Variants in PCSK2 observed in about 807,000 individuals in gnomAD.
PCSK2 encodes neuroendocrine convertase 2.
Under a neutral mutation model 69.7 loss-of-function variants are expected in PCSK2, and 14 were observed. The observed-to-expected ratio is 0.20, with a 90% CI of 0.13 to 0.31. The LOEUF is 0.31. Ranked by LOEUF, PCSK2 falls within the 10% of genes least tolerant of loss-of-function variation. The pLI is 1.00. For missense variants in PCSK2, 544 were observed against 842.5 expected (o/e 0.65, Z 4.39); for synonymous variants, 307 against 320.7 (o/e 0.96, Z 0.46).
At chr20:17,363,563 G>A (rs189003194) in intron 4 of PCSK2, among the ~76,000 whole-genome samples, 8 of 152,220 alleles carry the variant, frequency 5.3e-5, no homozygotes, top group Admixed American at 3.3e-4. Flanking sequence ...CAAGATACAG[G>A]GATGGACAAG....
In PCSK2 at chr20:17,481,938, G is replaced by A. The variant is rs773629981; in HGVS notation, c.1785G>A (p.Gln595=). 2 of 1,613,658 alleles carry A rather than the reference G, an allele frequency of 1.2e-6. No homozygotes were observed. The highest frequency in any genetic ancestry group is 1.7e-6 in the Non-Finnish European group (2 of 1,179,982). Residue 595 remains glutamine (Q), a synonymous_variant, in exon 12 of 12, where the codon CAG becomes CAA. Coordinates refer to ENST00000262545, the MANE Select transcript of PCSK2 (RefSeq NM_002594.5). ...GGACCCTGATGCTGCATGGCACTCA[G>A]AGTGCCCCGTACATCGACCAGGTGG... The part of the protein sequence containing the change: ...KEWTLMLHGT[Q]SAPYIDQVVR...
At chr20:17,363,181 C>A (rs73255644) in intron 4 of PCSK2, among the ~76,000 whole-genome samples, 1 of 152,232 alleles carries the variant, frequency 6.6e-6, no homozygotes, top group Non-Finnish European at 1.5e-5. Context: ...CAATCATCTG[C>A]GTGCAGAAGT....
At chr20:17,245,375 C>T (rs532084931) in intron 1 of PCSK2, among the ~76,000 whole-genome samples, 55 of 152,332 alleles carry the variant, frequency 3.6e-4, no homozygotes, top group African/African-American at 1.2e-3. Context: ...ACGACCTTGC[C>T]AAATGCAGCA....
intron 6 of PCSK2, among the ~76,000 whole-genome samples, chr20:17,411,763 A>G (rs937955734): frequency 4.6e-5 from 7 of 152,252 alleles, no homozygotes; most frequent in African/African-American, 1.7e-4. Context: ...ACCTCCCAGT[A>G]GGGGCCAACA....
intron 2 of PCSK2, among the ~76,000 whole-genome samples, chr20:17,353,705 C>A (rs1249575268): frequency 6.6e-6 from 1 of 152,128 alleles, no homozygotes; most frequent in Non-Finnish European, 1.5e-5. Context: ...CTGTTCAGTG[C>A]TACACTATTC....
intron 2 of PCSK2, among the ~76,000 whole-genome samples, chr20:17,320,341 G>T (rs534247029): frequency 6.6e-6 from 1 of 152,122 alleles, no homozygotes; most frequent in South Asian, 2.1e-4. Flanking sequence ...TCCCTTGGTC[G>T]CAAGACACAT....
chr20:17,285,963 A>G (rs896461817), intron 2 of PCSK2, among the ~76,000 whole-genome samples: 3 of 152,232 alleles, frequency 2.0e-5, no homozygotes, highest in African/African-American at 7.2e-5. Flanking sequence ...CCCTAACTAC[A>G]GAGTTACCTT....
At chr20:17,478,321 T>A (rs149735358) in intron 11 of PCSK2, among the ~76,000 whole-genome samples, 121 of 152,330 alleles carry the variant, frequency 7.9e-4, no homozygotes, top group Non-Finnish European at 1.0e-3. Flanking sequence ...ATAACTATAG[T>A]GCTCAGCAGA....
intron 2 of PCSK2, among the ~76,000 whole-genome samples, chr20:17,303,526 ATATT>A (rs1568593849): frequency 0.026 from 1,094 of 42,640 alleles, 31 homozygotes; most frequent in African/African-American, 0.077. Flanking sequence ...AATATAATAT[ATATT>A]ATATTATATA....
intron 2 of PCSK2, among the ~76,000 whole-genome samples, chr20:17,298,928 C>G (rs1988986911): frequency 1.3e-5 from 2 of 152,050 alleles, no homozygotes; most frequent in Non-Finnish European, 2.9e-5. Flanking sequence ...TTATCTTACC[C>G]GTTTACCTAT....
At chr20:17,460,606 A>T (rs377214790) in intron 10 of PCSK2, among the ~76,000 whole-genome samples, 1 of 152,250 alleles carries the variant, frequency 6.6e-6, no homozygotes, top group Non-Finnish European at 1.5e-5. Context: ...TAGATCATCA[A>T]TAAGGTTCCA....
chr20:17,232,259 C>T (rs1426633974), intron 1 of PCSK2, among the ~76,000 whole-genome samples: 1 of 152,188 alleles, frequency 6.6e-6, no homozygotes, highest in Non-Finnish European at 1.5e-5. Context: ...AGCCACATGG[C>T]TTTCCTAAGT....
chr20:17,240,006 A>C (rs1009420070), intron 1 of PCSK2, among the ~76,000 whole-genome samples: 1 of 151,530 alleles, frequency 6.6e-6, no homozygotes, highest in South Asian at 2.1e-4. Flanking sequence ...GGCGCACACC[A>C]CCATACCCAG....
intron 2 of PCSK2, among the ~76,000 whole-genome samples, chr20:17,319,091 G>A (rs1600487005): frequency 1.3e-5 from 2 of 152,266 alleles, no homozygotes; most frequent in Admixed American, 1.3e-4. Context: ...ATAATTAATT[G>A]TAAATTGTAA....
chr20:17,440,092 G>T (rs1203104503), intron 8 of PCSK2, among the ~76,000 whole-genome samples: 1 of 152,222 alleles, frequency 6.6e-6, no homozygotes, highest in Non-Finnish European at 1.5e-5. Context: ...ACAGTGGAGA[G>T]ACCTGAGTTT....
At chr20:17,349,763 A>G (rs1489506732) in intron 2 of PCSK2, among the ~76,000 whole-genome samples, 2 of 152,174 alleles carry the variant, frequency 1.3e-5, no homozygotes, top group Admixed American at 6.5e-5. Flanking sequence ...TACTTTTGCT[A>G]CATTTTTAAT....
At chr20:17,250,207 C>T (rs953666078) in intron 1 of PCSK2, among the ~76,000 whole-genome samples, 4 of 152,110 alleles carry the variant, frequency 2.6e-5, no homozygotes, top group Admixed American at 6.5e-5. Context: ...TTCTGATCCA[C>T]GATTCAATCC....
At chr20:17,239,802 C>T (rs1236899642) in intron 1 of PCSK2, among the ~76,000 whole-genome samples, 1 of 142,750 alleles carries the variant, frequency 7.0e-6, no homozygotes, top group Non-Finnish European at 1.5e-5. Context: ...AAGATGATTC[C>T]AATAGATAGA....
intron 5 of PCSK2, among the ~76,000 whole-genome samples, chr20:17,397,369 A>G (rs1677312894): frequency 6.6e-6 from 1 of 152,218 alleles, no homozygotes; most frequent in Non-Finnish European, 1.5e-5. Context: ...AGACCGTAAT[A>G]TTCATCAAAA....
Sources: allele counts gnomAD v4.1 joint callset (sites outside exome capture counted in the v4.1 genomes callset), GRCh38; gene constraint gnomAD v4.1.1; transcripts MANE v1.5; gene names NCBI Gene and HGNC (gene_info 2026-07-23, HGNC 2026-07-21).